MARK2: variants seen among roughly 807,000 people sequenced by gnomAD.
The protein encoded by MARK2 is serine/threonine-protein kinase MARK2.
A neutral mutation model predicts 89.8 loss-of-function variants in MARK2; 16 were observed. The observed-to-expected ratio is 0.18, with a 90% confidence interval of 0.12 to 0.27. The LOEUF is 0.27. Among genes scored for constraint, MARK2 ranks in the 10% least tolerant of loss-of-function variants. The pLI, the probability that MARK2 is intolerant of heterozygous loss-of-function variation, is 1.00. For synonymous variants in MARK2, 382 were observed against 399.5 expected (o/e 0.96, Z 0.52); for missense variants, 621 against 1,049.9 (o/e 0.59, Z 5.65).
chr11:63,883,977 T>A (rs1219568768), intron 1 of MARK2, among the ~76,000 whole-genome samples: 1 of 152,184 alleles, frequency 6.6e-6, no homozygotes, highest in Non-Finnish European at 1.5e-5. Flanking sequence ...TTTGGAGAAG[T>A]TATGTCACTT....
chr11:63,885,115 C>T (rs1266672961), intron 1 of MARK2, among the ~76,000 whole-genome samples: 2 of 152,062 alleles, frequency 1.3e-5, no homozygotes, highest in Non-Finnish European at 2.9e-5. Flanking sequence ...ATCACTTGAG[C>T]CCAGGAGGCG....
intron 1 of MARK2, among the ~76,000 whole-genome samples, chr11:63,864,088 G>A (rs538178562): frequency 1.7e-4 from 26 of 151,922 alleles, no homozygotes; most frequent in African/African-American, 6.0e-4. Context: ...CAAGTAGCTG[G>A]GACTACAGGC....
Position 63,864,112 on chromosome 11 carries a change from C to G in MARK2, c.54+24552C>G, listed in dbSNP as rs577284064. ...GGGACTACAGGCGCCCGCCACCACT[C>G]CCGGCTAATTTTTTTGTATTTTTAG... is the stretch of plus-strand genomic sequence containing the variant. On this transcript the variant is annotated intron_variant, in intron 1 of 18. Transcript: ENST00000402010. 2.0e-5 allele frequency among the ~76,000 whole-genome samples: 3 copies of G among 151,488 alleles called. No individual in the cohort carries two copies. The South Asian group carries it at 6.3e-4, about 32-fold the overall frequency.
At position 63,904,118 on chromosome 11, in the gene MARK2, G is replaced by A. The variant is rs747503541; in HGVS notation, c.1647G>A (p.Thr549=). The stretch of plus-strand genomic sequence containing the variant: ...ACAAGGCCTCTGGGCTGCCCCCCAC[G>A]GAGAGTAACTGTGAGGTGCCGCGGC... ...HPNKASGLPP[T]ESNCEVPRPS... Residue 549 remains threonine, a synonymous_variant, in exon 15 of 19, where the codon ACG becomes ACA. Transcript: ENST00000402010. This position sits in a 1 kb window ranked among gnomAD's most constrained non-coding sequence, Gnocchi z 6.3. The A allele has an allele frequency of 3.1e-6, 5 of 1,596,272 alleles. No homozygotes were observed. The highest frequency in any genetic ancestry group is 4.3e-6 in the Non-Finnish European group (5 of 1,176,010).
Position 63,909,502 on chromosome 11 carries a change from G to C in MARK2, c.*265G>C. The C allele has an allele frequency of 2.7e-6, 1 of 370,126 alleles. No individual in the cohort carries two copies. The highest frequency in any genetic ancestry group is 4.9e-6 in the Non-Finnish European group (1 of 206,032). 22.9% of individuals were successfully genotyped at this position (370,126 alleles called of 1,614,324 possible). On this transcript the variant is annotated 3_prime_UTR_variant, in exon 19 of 19. Transcript: ENST00000402010. ...GGCAAAGGAAGGGGAGGGTGGATGG[G>C]GGGGCAGGGCTCCCCCTCGGTACTG...
chr11:63,849,926 T>C (rs969465667), intron 1 of MARK2: 2 of 152,168 alleles, frequency 1.3e-5, no homozygotes, highest in African/African-American at 4.8e-5. Flanking sequence ...AGTTAATGAA[T>C]AGAAAGCATT....
chr11:63,869,857 T>C (rs532713078), intron 1 of MARK2, among the ~76,000 whole-genome samples: 25 of 152,296 alleles, frequency 1.6e-4, no homozygotes, highest in African/African-American at 5.3e-4. Flanking sequence ...GCTGTGGTCT[T>C]GAAGAGGGCT....
At position 63,900,358 on chromosome 11, in the gene MARK2, G is replaced by C. The variant is rs1419995142; in HGVS notation, c.769-201G>C. ...AAGGCACTCCGGATTGCAGGCCTCG[G>C]ACTGGTCAAGTTAGAGGGTACGAGG... On this transcript the variant is annotated intron_variant, in intron 8 of 18. Transcript: ENST00000402010. This position sits in a 1 kb window ranked among gnomAD's most constrained non-coding sequence, Gnocchi z 4.7. 6.6e-6 allele frequency among the ~76,000 whole-genome samples: 1 copy of C among 152,184 alleles called. No individual in the cohort carries two copies. Among genetic ancestry groups the C allele is most frequent in the Non-Finnish European group, 1.5e-5 (1 of 68,024 alleles).
At chr11:63,906,765 A>G (rs1038639545) in intron 17 of MARK2, among the ~76,000 whole-genome samples, 1 of 151,754 alleles carries the variant, frequency 6.6e-6, no homozygotes, top group African/African-American at 2.4e-5. Flanking sequence ...TGTCTCACAA[A>G]TGGAGCACAG....
chr11:63,865,765 G>A (rs938696800), intron 1 of MARK2, among the ~76,000 whole-genome samples: 1 of 152,226 alleles, frequency 6.6e-6, no homozygotes, highest in Non-Finnish European at 1.5e-5. Flanking sequence ...CACTGTTGGG[G>A]TGGTTTTGTT....
At chr11:63,864,690 C>T (rs1201842606) in intron 1 of MARK2, among the ~76,000 whole-genome samples, 2 of 151,388 alleles carry the variant, frequency 1.3e-5, no homozygotes, top group African/African-American at 2.4e-5. Context: ...AGCCACTGTG[C>T]CTGCTCTGTT....
chr11:63,854,069 C>T (rs906418223), intron 1 of MARK2, among the ~76,000 whole-genome samples: 23 of 150,126 alleles, frequency 1.5e-4, no homozygotes, highest in Non-Finnish European at 2.4e-4. Flanking sequence ...GACAGGGTTT[C>T]GCCACGTTGG....
chr11:63,909,315 A>ATG lies in MARK2; in HGVS notation c.*78_*79insTG. 2.1e-6 allele frequency: 3 copies of ATG among 1,415,958 alleles called. No homozygotes were observed. Among genetic ancestry groups the ATG allele is most frequent in the Non-Finnish European group, 2.8e-6 (3 of 1,066,792 alleles). 87.7% of individuals were successfully genotyped at this position (1,415,958 alleles called of 1,614,324 possible). A position where few individuals can be genotyped will look rare whatever the true frequency, so the allele number is the denominator to read the frequency against. ...GCCGCTGCGCCGCCCCACCTGGGCGAGACTGCAGCGATGGATTGGTGTGTC... is the reference window on the plus strand; with the variant it reads ...GCCGCTGCGCCGCCCCACCTGGGCGATGGACTGCAGCGATGGATTGGTGTGTC... On this transcript the variant is annotated 3_prime_UTR_variant, in exon 19 of 19. Coordinates refer to ENST00000402010, the MANE Select transcript of MARK2 (RefSeq NM_001039469.3).
At chr11:63,905,461 C>G (rs1211403695) in intron 16 of MARK2, among the ~76,000 whole-genome samples, 2 of 152,222 alleles carry the variant, frequency 1.3e-5, no homozygotes, top group African/African-American at 4.8e-5. Flanking sequence ...GTCTCTTGCC[C>G]CTTTGACTGC....
chr11:63,852,741 A>G (rs2135214636), intron 1 of MARK2, among the ~76,000 whole-genome samples: 1 of 152,254 alleles, frequency 6.6e-6, no homozygotes. Context: ...ATAAATGTTC[A>G]TAATGTACCT....
chr11:63,895,118 G>A (rs1940261563), intron 1 of MARK2, 41 bp from the exon 2 acceptor site: 2 of 1,573,516 alleles, frequency 1.3e-6, no homozygotes, highest in East Asian at 2.2e-5. Flanking sequence ...TAGAGGACTG[G>A]AAGTGTGGCA....
intron 1 of MARK2, among the ~76,000 whole-genome samples, chr11:63,859,319 C>CTTT (rs533265241): frequency 7.1e-6 from 1 of 141,778 alleles, no homozygotes; most frequent in African/African-American, 2.6e-5. Context: ...CTGTTTATTT[C>CTTT]TTTTTTTTTT....
At chr11:63,858,019 G>C (rs2016953425) in intron 1 of MARK2, among the ~76,000 whole-genome samples, 1 of 150,716 alleles carries the variant, frequency 6.6e-6, no homozygotes, top group Admixed American at 6.6e-5. Flanking sequence ...TATTATCATC[G>C]TTATTATTGT....
At chr11:63,843,539 A>G (rs1339279954) in intron 1 of MARK2, among the ~76,000 whole-genome samples, 1 of 152,110 alleles carries the variant, frequency 6.6e-6, no homozygotes, top group South Asian at 2.1e-4. Flanking sequence ...ACAAAGTTAC[A>G]AGATCCTATA....
Sources: allele counts gnomAD v4.1 joint callset (sites outside exome capture counted in the v4.1 genomes callset), GRCh38; gene constraint gnomAD v4.1.1; non-coding constraint Gnocchi (gnomAD v3.1); transcripts MANE v1.5; gene names NCBI Gene and HGNC (gene_info 2026-07-23, HGNC 2026-07-21).